CDK14: variants seen among roughly 807,000 people sequenced by gnomAD.
CDK14 encodes the protein cyclin dependent kinase 14.
In CDK14, 34 loss-of-function variants were observed where a neutral mutation model predicts 60.7. That is an observed-to-expected ratio of 0.56 (90% confidence interval 0.43 to 0.75). The LOEUF (loss-of-function observed/expected upper bound fraction) is 0.75, where lower values mean the gene tolerates loss of function less well. Among genes scored for constraint, CDK14 ranks in the 30% least tolerant of loss-of-function variants. CDK14 has a pLI of 0.00. For missense variants in CDK14, 482 were observed against 564.1 expected (o/e 0.85, Z 1.47); for synonymous variants, 197 against 203.7 (o/e 0.97, Z 0.28).
intron 3 of CDK14, among the ~76,000 whole-genome samples, chr7:90,727,244 A>G (rs561761100): frequency 8.4e-4 from 128 of 152,038 alleles, no homozygotes; most frequent in African/African-American, 2.9e-3. Context: ...TTGGGGGGGT[A>G]CTCCACCAGT....
At chr7:91,021,967 C>T (rs1349994461) in intron 10 of CDK14, among the ~76,000 whole-genome samples, 4 of 152,160 alleles carry the variant, frequency 2.6e-5, no homozygotes, top group Non-Finnish European at 5.9e-5. Context: ...TAGGACAGTT[C>T]AGCCCCTAAA....
chr7:90,875,329 G>T (rs1047225613), intron 6 of CDK14, among the ~76,000 whole-genome samples: 3 of 152,080 alleles, frequency 2.0e-5, no homozygotes, highest in African/African-American at 7.2e-5. Flanking sequence ...ATTTGTGTAC[G>T]TGCATTTGTT....
chr7:90,927,004 G>A (rs1793437362), intron 8 of CDK14, among the ~76,000 whole-genome samples: 1 of 152,188 alleles, frequency 6.6e-6, no homozygotes, highest in South Asian at 2.1e-4. Context: ...GCAAGGTAGG[G>A]AGGAAGGGTG....
chr7:90,790,719 T>C, intron 5 of CDK14, 67 bp downstream of exon 5: 3 of 971,804 alleles, frequency 3.1e-6, no homozygotes, highest in South Asian at 1.4e-5. Flanking sequence ...TTTAATATTA[T>C]ACACCTCTGA....
chr7:91,119,310 ATCTC>A (rs1799712570), intron 14 of CDK14, among the ~76,000 whole-genome samples: 1 of 152,030 alleles, frequency 6.6e-6, no homozygotes, highest in Non-Finnish European at 1.5e-5. Context: ...GTGAAAGCGT[ATCTC>A]TACAAAAAAT....
At chr7:91,039,105 C>G (rs1378635241) in intron 10 of CDK14, among the ~76,000 whole-genome samples, 1 of 152,174 alleles carries the variant, frequency 6.6e-6, no homozygotes, top group Non-Finnish European at 1.5e-5. Flanking sequence ...TTCTCCTACT[C>G]ATTTGCTTGA....
At chr7:90,890,459 C>G (rs1266091595) in intron 6 of CDK14, among the ~76,000 whole-genome samples, 4 of 152,196 alleles carry the variant, frequency 2.6e-5, no homozygotes, top group Admixed American at 6.5e-5. Context: ...CAGACTTCCT[C>G]TGTTAAACAC....
intron 6 of CDK14, among the ~76,000 whole-genome samples, chr7:90,887,931 A>G (rs1191810485): frequency 1.3e-5 from 2 of 152,196 alleles, no homozygotes; most frequent in Non-Finnish European, 2.9e-5. Flanking sequence ...ATTTTGTAAT[A>G]CTTCACTTAT....
rs551900201 is a variant in CDK14, at chr7:90,659,563, G to A, written c.123+55314G>A. The stretch of plus-strand genomic sequence containing the variant: ...CCAGGAATGATCTTATTAAAAATAG[G>A]GATATGATGAATTTGGCCCGCAAGA... On this transcript the variant is annotated intron_variant, in intron 2 of 14. Coordinates refer to ENST00000380050, the MANE Select transcript of CDK14 (RefSeq NM_001287135.2). Among the ~76,000 whole-genome samples the A allele has an allele frequency of 7.9e-5, 12 of 152,112 alleles. No homozygotes were observed. The South Asian group carries it at 2.5e-3, about 32-fold the overall frequency.
At chr7:90,956,019 G>A (rs1326044512) in intron 9 of CDK14, among the ~76,000 whole-genome samples, 2 of 152,172 alleles carry the variant, frequency 1.3e-5, no homozygotes, top group South Asian at 2.1e-4. Flanking sequence ...GTGTGGTAAT[G>A]GTTCTTGATG....
chr7:90,667,495 CTA>C (rs1188336013), intron 2 of CDK14, among the ~76,000 whole-genome samples: 1 of 151,868 alleles, frequency 6.6e-6, no homozygotes, highest in Non-Finnish European at 1.5e-5. Context: ...CTTCTGGACA[CTA>C]TGTGGTTTTT....
chr7:91,049,677 C>G (rs697405), intron 11 of CDK14, among the ~76,000 whole-genome samples: 16,362 of 152,188 alleles, frequency 0.11, 1,094 homozygotes, highest in Non-Finnish European at 0.15. Flanking sequence ...ATATGCTAAC[C>G]TAATTTCCCA....
At chr7:90,606,085 C>T (rs943098865) in intron 2 of CDK14, among the ~76,000 whole-genome samples, 2 of 152,160 alleles carry the variant, frequency 1.3e-5, no homozygotes, top group Non-Finnish European at 2.9e-5. Context: ...TGTAAACTAT[C>T]ACAAATCAGT....
intron 14 of CDK14, among the ~76,000 whole-genome samples, chr7:91,130,048 T>C (rs1039902956): frequency 6.6e-6 from 1 of 152,190 alleles, no homozygotes; most frequent in African/African-American, 2.4e-5. Context: ...CTAACACTTG[T>C]TGAGTTTTGT....
intron 8 of CDK14, among the ~76,000 whole-genome samples, chr7:90,936,826 C>T (rs1793770043): frequency 6.6e-6 from 1 of 152,138 alleles, no homozygotes; most frequent in African/African-American, 2.4e-5. Context: ...CACCTGTGTT[C>T]CTAAAACTTT....
chr7:90,984,008 T>A, intron 9 of CDK14, 140 bp from the exon 10 acceptor site: 2 of 636,622 alleles, frequency 3.1e-6, no homozygotes, highest in Non-Finnish European at 5.7e-6. Context: ...CCCCTGAATC[T>A]AAAATAAAAG....
At chr7:91,121,509 C>T (rs1000630394) in intron 14 of CDK14, among the ~76,000 whole-genome samples, 2 of 152,136 alleles carry the variant, frequency 1.3e-5, no homozygotes, top group Non-Finnish European at 2.9e-5. Context: ...TTATTTCTTT[C>T]CTTGCATACC....
intron 14 of CDK14, among the ~76,000 whole-genome samples, chr7:91,173,615 G>A (rs1477018210): frequency 5.3e-5 from 8 of 152,218 alleles, no homozygotes; most frequent in Admixed American, 2.0e-4. Context: ...TGCGCGAGCC[G>A]AAGCAGGGCG....
intron 7 of CDK14, among the ~76,000 whole-genome samples, chr7:90,913,693 CAA>C (rs1792982176): frequency 6.6e-6 from 1 of 152,126 alleles, no homozygotes; most frequent in South Asian, 2.1e-4. Flanking sequence ...TGGTTTGTGA[CAA>C]AAGTCTGTCC....
Sources: gnomAD v4.1 joint callset for allele counts (sites outside exome capture counted in the v4.1 genomes callset) on GRCh38, gnomAD v4.1.1 for gene constraint, MANE v1.5 for transcripts, NCBI Gene and HGNC (gene_info 2026-07-23, HGNC 2026-07-21) for gene names.